Variants in ADORA2B observed in about 807,000 individuals in gnomAD.
ADORA2B encodes the protein adenosine A2b receptor.
ADORA2B carries 18 observed loss-of-function variants against 20.8 expected under a neutral mutation model. That is an observed-to-expected ratio of 0.87 (90% CI 0.60 to 1.29). The LOEUF is 1.29. ADORA2B is among the 50% of genes most tolerant of loss of function. The pLI, the probability that ADORA2B is intolerant of heterozygous loss-of-function variation, is 0.00. For synonymous variants in ADORA2B, 179 were observed against 178.3 expected, an observed-to-expected ratio of 1.00 and a Z score of -0.03; for missense variants, 441 against 422.7, an observed-to-expected ratio of 1.04 and a Z score of -0.38.
At chr17:15,878,068 C>T in the ADORA2B span, among the ~76,000 whole-genome samples, 19,341 of 151,792 alleles carry the variant, frequency 0.13, 1,660 homozygotes, top group South Asian at 0.24. Flanking sequence ...TGAGTGCATG[C>T]GTTTCATTGC....
chr17:15,960,002 G>A (rs1220493189), intron 1 of ADORA2B, among the ~76,000 whole-genome samples: 3 of 152,074 alleles, frequency 2.0e-5, no homozygotes, highest in South Asian at 2.1e-4. Context: ...ATTTTCCTCC[G>A]GGCACGGTGG....
At chr17:15,946,737 A>T (rs1417339312) in intron 1 of ADORA2B, among the ~76,000 whole-genome samples, 1 of 152,048 alleles carries the variant, frequency 6.6e-6, no homozygotes, top group Non-Finnish European at 1.5e-5. Flanking sequence ...CTTGCCCAGG[A>T]TGGTGTATCA....
intron 1 of ADORA2B, among the ~76,000 whole-genome samples, chr17:15,954,841 G>A (rs895350943): frequency 2.0e-4 from 30 of 152,216 alleles, no homozygotes; most frequent in African/African-American, 6.8e-4. Context: ...TCCCTCAGAT[G>A]TCTGAAGGGG....
At chr17:15,924,154 C>T in the ADORA2B span, among the ~76,000 whole-genome samples, 3 of 152,142 alleles carry the variant, frequency 2.0e-5, no homozygotes, top group African/African-American at 7.2e-5. Flanking sequence ...CTCAGGTGAT[C>T]CACCCGCCTT....
the ADORA2B span, among the ~76,000 whole-genome samples, chr17:15,891,759 G>A: frequency 6.6e-6 from 1 of 151,038 alleles, no homozygotes; most frequent in Non-Finnish European, 1.5e-5. Context: ...TCGGCTCACT[G>A]CAACCTCCAC....
chr17:15,861,135 G>T, the ADORA2B span, among the ~76,000 whole-genome samples: 2 of 152,242 alleles, frequency 1.3e-5, no homozygotes, highest in African/African-American at 4.8e-5. Flanking sequence ...TTAAGATGCA[G>T]TGCCCGTCTT....
chr17:15,957,052 G>A (rs997229277), intron 1 of ADORA2B, among the ~76,000 whole-genome samples: 2 of 152,148 alleles, frequency 1.3e-5, no homozygotes, highest in Non-Finnish European at 2.9e-5. Flanking sequence ...AGGAATGGAC[G>A]GGACAAGATG....
At chr17:15,861,593 C>T in the ADORA2B span, among the ~76,000 whole-genome samples, 1 of 152,230 alleles carries the variant, frequency 6.6e-6, no homozygotes, top group South Asian at 2.1e-4. Flanking sequence ...AAAACAGTGG[C>T]ATGTAAGGAT....
At chr17:15,967,032 G>A (rs1053870537) in intron 1 of ADORA2B, among the ~76,000 whole-genome samples, 1 of 152,214 alleles carries the variant, frequency 6.6e-6, no homozygotes, top group African/African-American at 2.4e-5. Flanking sequence ...AGGGTGTTCG[G>A]AGCACAGGGA....
chr17:15,947,465 G>T (rs567836610), intron 1 of ADORA2B, among the ~76,000 whole-genome samples: 2 of 152,256 alleles, frequency 1.3e-5, no homozygotes, highest in African/African-American at 4.8e-5. Flanking sequence ...GTGTGGGTGT[G>T]TTAAGGGGAA....
chr17:15,975,599 A>G lies in ADORA2B; in HGVS notation c.*257A>G, dbSNP rs972580427. On this transcript the variant is annotated 3_prime_UTR_variant, in exon 2 of 2. Coordinates refer to ENST00000304222, the MANE Select transcript of ADORA2B (RefSeq NM_000676.4). ...GCCAACAGCTTGAATGGATTCTAACAGACTCTTTTGTTTTTAAAAGTCTGC... is the reference window on the plus strand; with the variant it reads ...GCCAACAGCTTGAATGGATTCTAACGGACTCTTTTGTTTTTAAAAGTCTGC... 10 of 469,260 alleles carry G rather than the reference A, an allele frequency of 2.1e-5. No homozygotes were observed. Among genetic ancestry groups the G allele is most frequent in the Admixed American group, 1.2e-4 (3 of 25,912 alleles). The allele number at this position is 469,260 out of a possible 1,614,324, so 29.1% of individuals were successfully genotyped here.
chr17:15,974,612 T>C (rs1211194594), intron 1 of ADORA2B, 67 bp from the exon 2 acceptor site: 2 of 1,391,210 alleles, frequency 1.4e-6, no homozygotes, highest in Admixed American at 2.1e-5. Context: ...AAAGAGGAGG[T>C]GGGGTCTTGG....
the ADORA2B span, among the ~76,000 whole-genome samples, chr17:15,873,656 T>C: frequency 6.6e-6 from 1 of 152,142 alleles, no homozygotes; most frequent in African/African-American, 2.4e-5. Context: ...TCAACATCGC[T>C]AATCATTAGG....
At chr17:15,872,881 C>A in the ADORA2B span, among the ~76,000 whole-genome samples, 1 of 152,024 alleles carries the variant, frequency 6.6e-6, no homozygotes, top group Non-Finnish European at 1.5e-5. Flanking sequence ...TTTTCCAATC[C>A]GGATACCCTT....
the ADORA2B span, among the ~76,000 whole-genome samples, chr17:15,873,776 C>A: frequency 0.081 from 12,353 of 152,022 alleles, 1,407 homozygotes; most frequent in African/African-American, 0.25. Flanking sequence ...GAAAAGGGAA[C>A]GCTTATACAC....
At chr17:15,959,561 C>T (rs981932218) in intron 1 of ADORA2B, among the ~76,000 whole-genome samples, 1 of 141,118 alleles carries the variant, frequency 7.1e-6, no homozygotes, top group Non-Finnish European at 1.5e-5. Context: ...GGTGCAATGG[C>T]GCGATCTGAG....
intron 1 of ADORA2B, among the ~76,000 whole-genome samples, chr17:15,973,532 G>A (rs1555591176): frequency 6.6e-6 from 1 of 152,208 alleles, no homozygotes; most frequent in Non-Finnish European, 1.5e-5. Context: ...CAGAAGGTGA[G>A]CAGGCAGGCG....
the ADORA2B span, among the ~76,000 whole-genome samples, chr17:15,884,651 A>G: frequency 5.3e-5 from 8 of 152,130 alleles, no homozygotes; most frequent in Non-Finnish European, 1.2e-4. Context: ...ACTCCCACTT[A>G]TAAGTGAGAA....
At chr17:15,866,718 T>TGCCGCTGCCG in the ADORA2B span, among the ~76,000 whole-genome samples, 5 of 127,524 alleles carry the variant, frequency 3.9e-5, no homozygotes, top group African/African-American at 1.5e-4. Flanking sequence ...TGCCGCTGCC[T>TGCCGCTGCCG]CTGCCGCTGC....
Sources: gnomAD v4.1 joint callset for allele counts (sites outside exome capture counted in the v4.1 genomes callset) on GRCh38, gnomAD v4.1.1 for gene constraint, MANE v1.5 for transcripts, NCBI Gene and HGNC (gene_info 2026-07-23, HGNC 2026-07-21) for gene names.